Variants in NACC2 observed in about 807,000 individuals in gnomAD.
NACC2 encodes NACC family member 2.
In NACC2, 8 loss-of-function variants were observed where a neutral mutation model predicts 25.1. That is an observed-to-expected ratio of 0.32 (90% CI 0.19 to 0.57). The LOEUF is 0.57. NACC2 is among the 20% of genes least tolerant of loss of function. The pLI, the probability that NACC2 is intolerant of heterozygous loss-of-function variation, is 0.89. For synonymous variants in NACC2, 435 were observed against 294.7 expected (o/e 1.48, Z -4.88); for missense variants, 644 against 650.2 (o/e 0.99, Z 0.10).
chr9:136,072,406 G>A (rs1057262061), intron 1 of NACC2, among the ~76,000 whole-genome samples: 14 of 152,054 alleles, frequency 9.2e-5, no homozygotes, highest in African/African-American at 2.4e-4. Context: ...TTAGCCGGGC[G>A]TGCTGGTGTA....
chr9:136,060,144 TGTA>T (rs1209333389), intron 1 of NACC2, among the ~76,000 whole-genome samples: 1 of 152,256 alleles, frequency 6.6e-6, no homozygotes, highest in Non-Finnish European at 1.5e-5. Context: ...GTACGGATAA[TGTA>T]GTAAGAATCC....
At chr9:136,048,424 T>C (rs1002023961) in intron 2 of NACC2, among the ~76,000 whole-genome samples, 20 of 152,160 alleles carry the variant, frequency 1.3e-4, no homozygotes, top group Non-Finnish European at 2.6e-4. Context: ...GCCAATTCCG[T>C]AGCTAGCAAA....
At chr9:136,024,428 AGT>A (rs1160185523) in intron 2 of NACC2, among the ~76,000 whole-genome samples, 3 of 116,762 alleles carry the variant, frequency 2.6e-5, no homozygotes, top group Admixed American at 8.8e-5. Context: ...GTGAGGACAG[AGT>A]GTGTGTGTGT....
At position 136,022,165 on chromosome 9, in the gene NACC2, T is replaced by C. The variant is rs975659363; in HGVS notation, c.887-5736A>G. 3.3e-5 allele frequency among the ~76,000 whole-genome samples: 5 copies of C among 152,164 alleles called. No individual in the cohort carries two copies. Among genetic ancestry groups the C allele is most frequent in the South Asian group, 2.1e-4 (1 of 4,830 alleles). On this transcript the variant is annotated intron_variant, in intron 2 of 5. Transcript: ENST00000277554. This position sits in a 1 kb window ranked among gnomAD's most constrained non-coding sequence, Gnocchi z 4.4. ...CAACCTGTGAGGGACACTTGTGAAC[T>C]TGGTGGCATCAGGCGCAGAGCAGGT... is the stretch of plus-strand genomic sequence containing the variant.
chr9:136,050,817 G>C (rs920455120), intron 1 of NACC2, among the ~76,000 whole-genome samples: 2 of 152,182 alleles, frequency 1.3e-5, no homozygotes, highest in Non-Finnish European at 2.9e-5. Flanking sequence ...CCGGGGTGCT[G>C]CCCGGCAGGA....
intron 1 of NACC2, among the ~76,000 whole-genome samples, chr9:136,053,757 G>A (rs4841908): frequency 0.94 from 142,391 of 152,270 alleles, 67,285 homozygotes; most frequent in East Asian, 1. Flanking sequence ...CCCCAAGGAC[G>A]GGGGGGTAGG....
chr9:136,041,523 C>G (rs935649350), intron 2 of NACC2, among the ~76,000 whole-genome samples: 1 of 152,054 alleles, frequency 6.6e-6, no homozygotes, highest in Admixed American at 6.6e-5. Context: ...GTATATCATA[C>G]GATTCCATTG....
At chr9:136,053,576 C>T (rs1840880125) in intron 1 of NACC2, among the ~76,000 whole-genome samples, 1 of 152,184 alleles carries the variant, frequency 6.6e-6, no homozygotes, top group African/African-American at 2.4e-5. Flanking sequence ...CCCTCATAAG[C>T]TCGGCAAGGG....
intron 2 of NACC2, among the ~76,000 whole-genome samples, chr9:136,047,893 AG>A (rs1424886346): frequency 2.0e-5 from 3 of 152,192 alleles, no homozygotes; most frequent in Non-Finnish European, 2.9e-5. Flanking sequence ...CCGTGCTCCC[AG>A]CAAACCCGAC....
In NACC2 at chr9:136,013,406, G is replaced by A; in HGVS notation, c.1158-110C>T. 1 of 955,984 alleles carries A rather than the reference G, an allele frequency of 1.0e-6. No homozygotes were observed. Among genetic ancestry groups the A allele is most frequent in the Non-Finnish European group, 1.6e-6 (1 of 624,944 alleles). The allele number at this position is 955,984 out of a possible 1,614,324, so 59.2% of individuals were successfully genotyped here. ...GGGAGGCCACTTGGCCTCACCCTTG[G>A]CTGGTCTGCGTGTGTCCCAGTGGCA... On this transcript the variant is annotated intron_variant, in intron 4 of 5. Coordinates refer to ENST00000277554, the MANE Select transcript of NACC2 (RefSeq NM_144653.5). This position sits in a 1 kb window ranked among gnomAD's most constrained non-coding sequence, Gnocchi z 6.6.
chr9:136,089,331 A>C (rs935325256), intron 1 of NACC2, among the ~76,000 whole-genome samples: 6 of 152,162 alleles, frequency 3.9e-5, no homozygotes, highest in Admixed American at 3.9e-4. Flanking sequence ...CCTAGGAGGG[A>C]GACAAGGGGG....
intron 1 of NACC2, among the ~76,000 whole-genome samples, chr9:136,058,434 C>A (rs1344737388): frequency 6.6e-6 from 1 of 152,236 alleles, no homozygotes; most frequent in East Asian, 1.9e-4. Flanking sequence ...CAGGAGGGGG[C>A]TCCGGAGGCT....
At chr9:136,062,213 C>T (rs949874044) in intron 1 of NACC2, among the ~76,000 whole-genome samples, 3 of 151,762 alleles carry the variant, frequency 2.0e-5, no homozygotes, top group Admixed American at 1.3e-4. Flanking sequence ...GAAAAGTTAG[C>T]AAGAAATTAG....
chr9:136,092,824 C>G (rs769889195), intron 1 of NACC2, among the ~76,000 whole-genome samples: 2 of 152,230 alleles, frequency 1.3e-5, no homozygotes, highest in Non-Finnish European at 2.9e-5. Context: ...CTGCTGCCCC[C>G]CTGTGGACTC....
chr9:136,090,913 C>T (rs1274825361), intron 1 of NACC2, among the ~76,000 whole-genome samples: 2 of 152,084 alleles, frequency 1.3e-5, no homozygotes, highest in Non-Finnish European at 2.9e-5. Flanking sequence ...CTTTCAGGCC[C>T]CTCTGTTCCC....
intron 1 of NACC2, among the ~76,000 whole-genome samples, chr9:136,065,917 G>C (rs1368586265): frequency 6.6e-6 from 1 of 152,072 alleles, no homozygotes; most frequent in Non-Finnish European, 1.5e-5. Context: ...AAAGAGGCCG[G>C]GCATGGTGGC....
At chr9:136,035,357 G>A (rs1446068745) in intron 2 of NACC2, among the ~76,000 whole-genome samples, 1 of 151,962 alleles carries the variant, frequency 6.6e-6, no homozygotes, top group Non-Finnish European at 1.5e-5. Flanking sequence ...CCGCTGCTGT[G>A]AATTGCAGCT....
intron 1 of NACC2, among the ~76,000 whole-genome samples, chr9:136,052,159 C>T (rs1219937686): frequency 6.6e-6 from 1 of 152,210 alleles, no homozygotes; most frequent in Non-Finnish European, 1.5e-5. Flanking sequence ...GAATGCGCGG[C>T]CCCGGGTGCT....
At position 136,007,574 on chromosome 9, in the gene NACC2, C is replaced by T. The variant is rs62585067; in HGVS notation, c.*3942G>A. On this transcript the variant is annotated 3_prime_UTR_variant, in exon 6 of 6. Transcript: ENST00000277554. ...GCACACACACACAGACACGCGCACA[C>T]GCACACTCTCACCCACGGAGCTGGC... 4,991 of 125,814 alleles carry T rather than the reference C, an allele frequency of 0.04. 148 individuals carry two copies. Among genetic ancestry groups the T allele is most frequent in the African/African-American group, 0.097 (3,101 of 31,948 alleles). The allele number at this position is 125,814 out of a possible 1,614,324, so 7.8% of individuals were successfully genotyped here.
Sources: allele counts gnomAD v4.1 joint callset (sites outside exome capture counted in the v4.1 genomes callset), GRCh38; gene constraint gnomAD v4.1.1; non-coding constraint Gnocchi (gnomAD v3.1); transcripts MANE v1.5; gene names NCBI Gene and HGNC (gene_info 2026-07-23, HGNC 2026-07-21).